Variants in KMT2C observed in about 807,000 individuals in gnomAD.
KMT2C encodes histone-lysine N-methyltransferase 2C.
A neutral mutation model predicts 507.9 loss-of-function variants in KMT2C; 88 were observed. The ratio of observed to expected loss-of-function variants is 0.17; its 90% CI spans 0.15 to 0.21. KMT2C has a LOEUF of 0.21. Among genes scored for constraint, KMT2C ranks in the 10% least tolerant of loss-of-function variants. KMT2C has a pLI of 1.00. For synonymous variants in KMT2C, 2,049 were observed against 2,080.8 expected (o/e 0.98, Z 0.42); for missense variants, 4,954 against 5,957.8 (o/e 0.83, Z 5.55).
At chr7:152,300,670 G>A (rs1185558341) in intron 6 of KMT2C, among the ~76,000 whole-genome samples, 3 of 152,286 alleles carry the variant, frequency 2.0e-5, no homozygotes, top group African/African-American at 7.2e-5. Context: ...GATCCCATGA[G>A]TCCTTCTAGC....
intron 1 of KMT2C, among the ~76,000 whole-genome samples, chr7:152,417,699 T>C (rs1489498308): frequency 6.6e-6 from 1 of 152,130 alleles, no homozygotes; most frequent in Non-Finnish European, 1.5e-5. Context: ...TGGAGTGTAG[T>C]GGCATGATCT....
intron 6 of KMT2C, among the ~76,000 whole-genome samples, chr7:152,309,489 A>AATTTTT (rs1218516301): frequency 1.4e-5 from 2 of 142,660 alleles, no homozygotes; most frequent in African/African-American, 5.2e-5. Context: ...ATGCCCGGCT[A>AATTTTT]ATTTTTGCAT....
intron 42 of KMT2C, among the ~76,000 whole-genome samples, chr7:152,166,814 T>C (rs543438093): frequency 5.9e-5 from 9 of 152,278 alleles, no homozygotes; most frequent in Admixed American, 2.6e-4. Flanking sequence ...AGAAACATGG[T>C]CTTTGCAGTG....
At position 152,181,969 on chromosome 7, in the gene KMT2C, G is replaced by C. The variant is rs1299424727; in HGVS notation, c.5891C>G (p.Ala1964Gly). ...AGGCCTAGGTGTGTCTGGAGGTTTT[G>C]CATAGGGGTCATTATTTGTCGTGGA... Reference protein sequence around the residue: ...SSSTTNNDPYAKPPDTPRPVM... With the variant: ...SSSTTNNDPYGKPPDTPRPVM... The change falls in exon 36 of 59, where the codon GCA becomes GGA. Residue 1964 changes from alanine (A) to glycine (G), a missense_variant. Ala to Gly is a moderately conservative substitution (Grantham distance 60). Around this residue, in one of 29 missense-constraint regions of KMT2C, gnomAD observed 1,689 missense variants for 1,654.3 expected, o/e 1.02. Transcript: ENST00000262189. The C allele has an allele frequency of 1.2e-6, 2 of 1,614,074 alleles. No individual in the cohort carries two copies. The highest frequency in any genetic ancestry group is 1.7e-6 in the Non-Finnish European group (2 of 1,180,040).
chr7:152,344,324 A>T (rs1053972116), intron 2 of KMT2C, among the ~76,000 whole-genome samples: 3 of 152,246 alleles, frequency 2.0e-5, no homozygotes, highest in Non-Finnish European at 2.9e-5. Context: ...ATGGCTACTA[A>T]GTGACTAACA....
chr7:152,327,776 T>TGG, intron 3 of KMT2C, among the ~76,000 whole-genome samples: 2 of 151,462 alleles, frequency 1.3e-5, no homozygotes, highest in South Asian at 2.1e-4. Context: ...GGCTAACACA[T>TGG]TGAAACCCCG....
At chr7:152,244,154 A>G (rs1246022338) in intron 14 of KMT2C, among the ~76,000 whole-genome samples, 10 of 152,228 alleles carry the variant, frequency 6.6e-5, no homozygotes, top group African/African-American at 2.4e-4. Flanking sequence ...TCCTTACAGT[A>G]TTCAGTTTAA....
chr7:152,157,827 A>C, intron 44 of KMT2C: 1 of 1,330,884 alleles, frequency 7.5e-7, no homozygotes, highest in Non-Finnish European at 9.9e-7. Context: ...AAGTTCCTAG[A>C]AGTCGATTCC....
At chr7:152,386,618 C>G (rs577423194) in intron 1 of KMT2C, among the ~76,000 whole-genome samples, 3 of 152,414 alleles carry the variant, frequency 2.0e-5, no homozygotes, top group African/African-American at 7.2e-5. Flanking sequence ...TCCCTCACCG[C>G]TTCTCACCCT....
At chr7:152,344,448 T>C (rs906563675) in intron 2 of KMT2C, among the ~76,000 whole-genome samples, 2 of 152,220 alleles carry the variant, frequency 1.3e-5, no homozygotes, top group Non-Finnish European at 2.9e-5. Flanking sequence ...TTAAAATTTA[T>C]GAATTGTTTA....
intron 20 of KMT2C, among the ~76,000 whole-genome samples, chr7:152,222,903 C>G (rs1373478433): frequency 6.6e-6 from 1 of 152,110 alleles, no homozygotes; most frequent in Non-Finnish European, 1.5e-5. Flanking sequence ...AGAGAGGAAG[C>G]AAAGCACATT....
At chr7:152,271,280 T>C (rs2095962308) in intron 7 of KMT2C, among the ~76,000 whole-genome samples, 1 of 152,186 alleles carries the variant, frequency 6.6e-6, no homozygotes. Flanking sequence ...ACATCCTATC[T>C]GCAATATTCT....
intron 42 of KMT2C, among the ~76,000 whole-genome samples, chr7:152,164,445 A>T (rs2129105140): frequency 6.6e-6 from 1 of 151,724 alleles, no homozygotes; most frequent in East Asian, 1.9e-4. Context: ...GCCCGCTACC[A>T]CGCCCGGCTA....
chr7:152,266,567 G>T (rs2095861218), intron 7 of KMT2C, among the ~76,000 whole-genome samples: 1 of 152,072 alleles, frequency 6.6e-6, no homozygotes, highest in South Asian at 2.1e-4. Context: ...TGAAGGTTTG[G>T]TCAATCCTAT....
intron 42 of KMT2C, among the ~76,000 whole-genome samples, chr7:152,164,531 C>T (rs1331537404): frequency 4.6e-5 from 7 of 152,066 alleles, no homozygotes; most frequent in African/African-American, 7.2e-5. Context: ...CCTCGTGATC[C>T]GCCCGCCTCG....
In KMT2C at chr7:152,181,282, G is replaced by A. The variant is rs533686802; in HGVS notation, c.6578C>T (p.Pro2193Leu). The part of the protein sequence containing the change: ...PSTQTDLFVT[P>L]VTNQRHSDPY... The stretch of plus-strand genomic sequence containing the variant: ...ATCAGAATGCCTCTGATTTGTTACA[G>A]GTGTAACAAACAAGTCAGTTTGTGT... Residue 2193 changes from proline (P) to leucine (L), a missense_variant, in exon 36 of 59, where the codon CCT becomes CTT. Physicochemically the swap from Pro to Leu is moderately conservative, Grantham distance 98. Transcript: ENST00000262189. 2 of 1,613,844 alleles carry A rather than the reference G, an allele frequency of 1.2e-6. No homozygotes were observed. Among genetic ancestry groups the A allele is most frequent in the East Asian group, 2.2e-5 (1 of 44,860 alleles).
chr7:152,166,874 A>T (rs1471652419), intron 42 of KMT2C, among the ~76,000 whole-genome samples: 1 of 152,188 alleles, frequency 6.6e-6, no homozygotes, highest in East Asian at 1.9e-4. Flanking sequence ...CAAAGTTGAA[A>T]ATAGTTCTTC....
In KMT2C at chr7:152,213,443, C is replaced by A. The variant is rs1403228251; in HGVS notation, c.3713-6015G>T. The stretch of plus-strand genomic sequence containing the variant: ...TATTATGAGCTAATTTTTGACAAGT[C>A]CAATAAGATACAATAGGGAAAAGAT... On this transcript the variant is annotated intron_variant, in intron 23 of 58. Coordinates refer to ENST00000262189, the MANE Select transcript of KMT2C (RefSeq NM_170606.3). Among the ~76,000 whole-genome samples, 3 of 151,882 alleles carry A rather than the reference C, an allele frequency of 2.0e-5. No homozygotes were observed. In the East Asian group the frequency reaches 5.8e-4, roughly 29 times the overall value.
In KMT2C at chr7:152,250,876, G is replaced by A. The variant is rs1267271110; in HGVS notation, c.1712C>T (p.Ser571Phe). Residue 571 changes from serine (S) to phenylalanine (F), a missense_variant, in exon 12 of 59, where the codon TCC (serine) becomes TTC (phenylalanine). This residue lies in a region of KMT2C where 376 missense variants were observed against 352.4 expected (regional missense o/e 1.07). Coordinates refer to ENST00000262189, the MANE Select transcript of KMT2C (RefSeq NM_170606.3). ...AANKDVNGQESTPGIVPDAVQ... is the reference protein window; with the variant it reads ...AANKDVNGQEFTPGIVPDAVQ... Reference sequence around the variant, plus strand: ...ACCATCTGGAACAATTCCAGGAGTGGACTCCTGACCGTTGACATCTTTATT... The same window carrying A: ...ACCATCTGGAACAATTCCAGGAGTGAACTCCTGACCGTTGACATCTTTATT... The A allele has an allele frequency of 1.3e-6, 2 of 1,592,620 alleles. No individual in the cohort carries two copies. The highest frequency in any genetic ancestry group is 1.7e-6 in the Non-Finnish European group (2 of 1,160,680).
Sources: gnomAD v4.1 joint callset for allele counts (sites outside exome capture counted in the v4.1 genomes callset) on GRCh38, gnomAD v4.1.1 for gene constraint, gnomAD v4.1.1 regional missense constraint, MANE v1.5 for transcripts, NCBI Gene and HGNC (gene_info 2026-07-23, HGNC 2026-07-21) for gene names.